Variants in BACH1 observed in about 807,000 individuals in gnomAD.
BACH1 encodes BTB domain and CNC homolog 1.
In BACH1, 35 loss-of-function variants were observed where a neutral mutation model predicts 52.9. The observed-to-expected ratio is 0.66, with a 90% confidence interval of 0.51 to 0.88. The LOEUF is 0.88. Among genes scored for constraint, BACH1 ranks in the 40% least tolerant of loss-of-function variants. The probability of loss-of-function intolerance (pLI) is 0.00; values close to 1 mark genes in which losing one functional copy is unlikely to be tolerated. For synonymous variants in BACH1, 321 were observed against 319.6 expected, an observed-to-expected ratio of 1.00 and a Z score of -0.05; for missense variants, 808 against 872.6, an observed-to-expected ratio of 0.93 and a Z score of 0.93.
chr21:29,356,368 T>C (rs1434780519), intron 2 of BACH1, among the ~76,000 whole-genome samples: 1 of 152,256 alleles, frequency 6.6e-6, no homozygotes, highest in Non-Finnish European at 1.5e-5. Context: ...CATATTAACT[T>C]AGAATTGGTA....
intron 4 of BACH1, among the ~76,000 whole-genome samples, chr21:29,330,288 C>T (rs1356436140): frequency 8.5e-5 from 13 of 152,070 alleles, no homozygotes; most frequent in Admixed American, 2.0e-4. Context: ...CCTCAGCCTC[C>T]GGAGTAGCTG....
chr21:29,358,890 G>A (rs2089255153), intron 2 of BACH1: 1 of 151,698 alleles, frequency 6.6e-6, no homozygotes, highest in Admixed American at 6.6e-5. Context: ...AAAAAATGAG[G>A]GGGAGTGAAA....
At chr21:29,350,768 A>G (rs1172963206), downstream of BACH1, among the ~76,000 whole-genome samples, 1 of 152,222 alleles carries the variant, frequency 6.6e-6, no homozygotes, top group Non-Finnish European at 1.5e-5. Context: ...TCATGTTCCA[A>G]GGTCAGAGTG....
intron 4 of BACH1, among the ~76,000 whole-genome samples, chr21:29,335,771 T>A (rs1317927748): frequency 6.6e-6 from 1 of 152,240 alleles, no homozygotes; most frequent in Non-Finnish European, 1.5e-5. Flanking sequence ...TCCATCTTGG[T>A]CCTTTTTTAA....
chr21:29,359,621 T>C (rs975579198), intron 2 of BACH1, among the ~76,000 whole-genome samples: 5 of 151,802 alleles, frequency 3.3e-5, no homozygotes, highest in South Asian at 4.2e-4. Context: ...CCAGAATCAC[T>C]AAGCCAAAGG....
Position 29,321,524 on chromosome 21 carries a change from C to A in BACH1, c.234+10C>A. On this transcript the variant is annotated intron_variant, in intron 2 of 4. Coordinates refer to ENST00000286800, the MANE Select transcript of BACH1 (RefSeq NM_001186.4). ...TACTCTTCCAGAAGAGGTGAGAGAT[C>A]CATGTTTTTGGCAATTTTAATCTAC... 6.2e-7 allele frequency: 1 copy of A among 1,605,560 alleles called. No individual in the cohort carries two copies. The highest frequency in any genetic ancestry group is 8.5e-7 in the Non-Finnish European group (1 of 1,173,432).
rs2088912843 is a variant in BACH1, at chr21:29,326,464, A to G, written c.640A>G (p.Lys214Glu). Residue 214 changes from lysine (K) to glutamate (E), a missense_variant, in exon 3 of 5, where the codon AAG (lysine) becomes GAG (glutamate). By Grantham distance (56) the Lys-to-Glu change is moderately conservative. Transcript: ENST00000286800. The part of the protein sequence containing the change: ...SQTYESMCLE[K>E]DAALALPSLC... ...GACATATGAGTCCATGTGCTTAGAGAAGGATGCTGCTCTGGCCTTGCCTTC... is the reference window on the plus strand; with the variant it reads ...GACATATGAGTCCATGTGCTTAGAGGAGGATGCTGCTCTGGCCTTGCCTTC... The G allele has an allele frequency of 6.2e-7, 1 of 1,614,204 alleles. No individual in the cohort carries two copies. The highest frequency in any genetic ancestry group is 2.2e-5 in the East Asian group (1 of 44,886).
chr21:29,348,735 G>A (rs2089185374), downstream of BACH1, among the ~76,000 whole-genome samples: 1 of 152,106 alleles, frequency 6.6e-6, no homozygotes, highest in South Asian at 2.1e-4. Context: ...GCGTTTTCAG[G>A]CCTGAGCCAG....
intron 1 of BACH1, among the ~76,000 whole-genome samples, chr21:29,302,178 G>A (rs542296580): frequency 6.6e-6 from 1 of 152,318 alleles, no homozygotes; most frequent in African/African-American, 2.4e-5. Flanking sequence ...TCTAGACAGA[G>A]GGTTTATTTT....
chr21:29,356,856 CTCTT>C (rs1016502134), intron 2 of BACH1, among the ~76,000 whole-genome samples: 2 of 42,644 alleles, frequency 4.7e-5, no homozygotes, highest in Non-Finnish European at 6.3e-5. Context: ...TTCTATCTCT[CTCTT>C]TCTCTCTCTT....
intron 3 of BACH1, 40 bp downstream of exon 3, chr21:29,327,433 C>T: frequency 1.3e-6 from 2 of 1,573,182 alleles, no homozygotes; most frequent in Non-Finnish European, 1.7e-6. Flanking sequence ...TTTTAATAAC[C>T]ATTAATTGGG....
Position 29,313,711 on chromosome 21 carries a change from A to G in BACH1, c.-60-7510A>G, listed in dbSNP as rs556565056. Among the ~76,000 whole-genome samples, 8 of 152,338 alleles carry G rather than the reference A, an allele frequency of 5.3e-5. 1 individual carries two copies. Among genetic ancestry groups the G allele is most frequent in the African/African-American group, 1.9e-4 (8 of 41,584 alleles). ...CTGAGTAATGAAAGAAACCCGAAGTAAGAGTACATAATATGTGATTCTATT... is the reference window on the plus strand; with the variant it reads ...CTGAGTAATGAAAGAAACCCGAAGTGAGAGTACATAATATGTGATTCTATT... On this transcript the variant is annotated intron_variant, in intron 1 of 4. Transcript: ENST00000286800.
At chr21:29,318,858 G>A (rs762551641) in intron 1 of BACH1, among the ~76,000 whole-genome samples, 8 of 151,808 alleles carry the variant, frequency 5.3e-5, no homozygotes, top group South Asian at 2.1e-4. Flanking sequence ...CTCTCTCTGC[G>A]GTCCATATCT....
chr21:29,325,908 TAGA>T, intron 2 of BACH1, 148 bp from the exon 3 acceptor site: 1 of 869,644 alleles, frequency 1.1e-6, no homozygotes, highest in Middle Eastern at 3.7e-4. Flanking sequence ...TTACATTTCT[TAGA>T]AGAATATGTT....
At chr21:29,324,645 G>C (rs754804319) in intron 2 of BACH1, among the ~76,000 whole-genome samples, 4 of 150,872 alleles carry the variant, frequency 2.7e-5, no homozygotes, top group Admixed American at 6.6e-5. Flanking sequence ...TCTGGTTTTT[G>C]GCTATCACAA....
intron 2 of BACH1, among the ~76,000 whole-genome samples, chr21:29,355,471 C>G (rs1016840909): frequency 2.0e-5 from 3 of 152,234 alleles, no homozygotes; most frequent in African/African-American, 4.8e-5. Context: ...CTCAATCCCC[C>G]CTCTAAACAG....
Position 29,321,369 on chromosome 21 carries a change from A to T in BACH1, c.89A>T (p.Lys30Ile). 6.2e-7 allele frequency: 1 copy of T among 1,614,204 alleles called. No homozygotes were observed. Among genetic ancestry groups the T allele is most frequent in the Non-Finnish European group, 8.5e-7 (1 of 1,180,034 alleles). Residue 30 changes from lysine to isoleucine, a missense_variant, in exon 2 of 5, where the codon AAA (lysine) becomes ATA (isoleucine). Transcript: ENST00000286800. ...VLLSLNDQRK[K>I]DVLCDVTIFV... is the part of the protein sequence containing the mutation. ...CTCAGCCTTAATGACCAGCGGAAGA[A>T]AGATGTGCTGTGCGATGTCACCATC... is the stretch of plus-strand genomic sequence containing the variant.
intron 1 of BACH1, among the ~76,000 whole-genome samples, chr21:29,312,398 C>T (rs772840427): frequency 7.9e-5 from 12 of 152,154 alleles, no homozygotes; most frequent in Non-Finnish European, 1.3e-4. Flanking sequence ...AGGATACCCA[C>T]TGTCACCACT....
chr21:29,329,337 G>GAA, intron 3 of BACH1, 150 bp from the exon 4 acceptor site: 2 of 484,666 alleles, frequency 4.1e-6, no homozygotes, highest in Non-Finnish European at 6.6e-6. Context: ...ATATCCTTTT[G>GAA]AGATTGTATA....
Sources: gnomAD v4.1 joint callset for allele counts (sites outside exome capture counted in the v4.1 genomes callset) on GRCh38, gnomAD v4.1.1 for gene constraint, MANE v1.5 for transcripts, NCBI Gene and HGNC (gene_info 2026-07-23, HGNC 2026-07-21) for gene names.